CNOT7: variants seen among roughly 807,000 people sequenced by gnomAD.
CNOT7 encodes the protein BTG1-binding factor 1.
CNOT7 carries 4 observed loss-of-function variants against 37.1 expected under a neutral mutation model. The ratio of observed to expected loss-of-function variants is 0.11; its 90% CI spans 0.05 to 0.25. CNOT7 has a LOEUF of 0.25. Among genes scored for constraint, CNOT7 ranks in the 10% least tolerant of loss-of-function variants. CNOT7 has a pLI of 1.00. For missense variants in CNOT7, 170 were observed against 336.2 expected (o/e 0.51, Z 3.87); for synonymous variants, 128 against 115.6 (o/e 1.11, Z -0.69).
chr8:17,236,971 T>G (rs1269818836), intron 4 of CNOT7, among the ~76,000 whole-genome samples: 1 of 152,206 alleles, frequency 6.6e-6, no homozygotes, highest in Non-Finnish European at 1.5e-5. Context: ...TCTTTCACTT[T>G]TTAGAGAACC....
Position 17,232,547 on chromosome 8 carries a change from AT to A in CNOT7, c.619-11del. 1 of 1,604,008 alleles carries A rather than the reference AT, an allele frequency of 6.2e-7. No individual in the cohort carries two copies. The highest frequency in any genetic ancestry group is 8.5e-7 in the Non-Finnish European group (1 of 1,177,582). ...CCTCCTGTAATCCACCCTAGAAAAA[AT>A]AAAAAATTGCTTGTCAAGAAGAAAA... is the stretch of plus-strand genomic sequence containing the variant. On this transcript the variant is annotated splice_polypyrimidine_tract_variant and intron_variant, in intron 5 of 6. Transcript: ENST00000361272.
Position 17,225,386 on chromosome 8 carries a change from G to T in CNOT7, c.*5334C>A, listed in dbSNP as rs545472062. ...CAAAAAATTCCTCCATACCAGGAAGGAGAGTATTGACCAGTTTATCTTTAA... is the reference window on the plus strand; with the variant it reads ...CAAAAAATTCCTCCATACCAGGAAGTAGAGTATTGACCAGTTTATCTTTAA... On this transcript the variant is annotated 3_prime_UTR_variant, in exon 7 of 7. Transcript: ENST00000361272. The T allele has an allele frequency of 2.6e-5, 4 of 151,752 alleles. No homozygotes were observed. Among genetic ancestry groups the T allele is most frequent in the African/African-American group, 7.2e-5 (3 of 41,408 alleles). 9.4% of individuals were successfully genotyped at this position (151,752 alleles called of 1,614,324 possible). A position where few individuals can be genotyped will look rare whatever the true frequency, so the allele number is the denominator to read the frequency against.
At chr8:17,231,895 A>AC (rs1808674942) in intron 6 of CNOT7, 24 of 985,610 alleles carry the variant, frequency 2.4e-5, no homozygotes, top group Non-Finnish European at 2.9e-5. Flanking sequence ...TCGGAATTCA[A>AC]CCCCCCTTTT....
At chr8:17,237,162 G>A (rs1563198189) in intron 4 of CNOT7, 50 bp downstream of exon 4, 3 of 1,570,944 alleles carry the variant, frequency 1.9e-6, no homozygotes, top group Admixed American at 3.4e-5. Flanking sequence ...TAAGTGTGGA[G>A]CAAGTATGAG....
chr8:17,236,983 G>A (rs923414873), intron 4 of CNOT7, among the ~76,000 whole-genome samples: 1 of 152,206 alleles, frequency 6.6e-6, no homozygotes, highest in Admixed American at 6.5e-5. Context: ...TAGAGAACCT[G>A]TACTGTTTCC....
At chr8:17,233,118 AG>A (rs1490813102) in intron 5 of CNOT7, among the ~76,000 whole-genome samples, 1 of 152,240 alleles carries the variant, frequency 6.6e-6, no homozygotes, top group African/African-American at 2.4e-5. Context: ...TAAAAAAGAA[AG>A]ATGAGAGTGG....
At chr8:17,232,350 C>A in intron 6 of CNOT7, 77 bp downstream of exon 6, 1 of 1,608,818 alleles carries the variant, frequency 6.2e-7, no homozygotes, top group Non-Finnish European at 8.5e-7. Flanking sequence ...ACTTGTTGCC[C>A]AAAATCTTTG....
At chr8:17,239,744 C>T (rs780293941) in intron 3 of CNOT7, among the ~76,000 whole-genome samples, 1 of 151,880 alleles carries the variant, frequency 6.6e-6, no homozygotes, top group African/African-American at 2.4e-5. Flanking sequence ...CCGCCCGCCT[C>T]GGCCTCCCAA....
chr8:17,239,739 C>A (rs907065548), intron 3 of CNOT7, among the ~76,000 whole-genome samples: 1 of 152,144 alleles, frequency 6.6e-6, no homozygotes, highest in Admixed American at 6.5e-5. Flanking sequence ...GTGATCCGCC[C>A]GCCTCGGCCT....
intron 2 of CNOT7, chr8:17,244,786 T>C: frequency 2.5e-6 from 1 of 393,962 alleles, no homozygotes; most frequent in Non-Finnish European, 4.6e-6. Context: ...CCTTCCTAAC[T>C]CTTATTCAAA....
At chr8:17,233,160 G>T (rs1262662997) in intron 5 of CNOT7, among the ~76,000 whole-genome samples, 1 of 152,036 alleles carries the variant, frequency 6.6e-6, no homozygotes, top group African/African-American at 2.4e-5. Flanking sequence ...GAGAAAGACA[G>T]TAACAGAAGG....
At position 17,227,345 on chromosome 8, in the gene CNOT7, G is replaced by A. The variant is rs1310157027; in HGVS notation, c.*3375C>T. On this transcript the variant is annotated 3_prime_UTR_variant, in exon 7 of 7. Transcript: ENST00000361272. The stretch of plus-strand genomic sequence containing the variant: ...CTTCGATCACTTCAAATCCAGCAAT[G>A]GTTTCTCAAAAAATAAAGCTAGGCA... 1 of 151,732 alleles carries A rather than the reference G, an allele frequency of 6.6e-6. No individual in the cohort carries two copies. Among genetic ancestry groups the A allele is most frequent in the Non-Finnish European group, 1.5e-5 (1 of 67,742 alleles). The allele number at this position is 151,732 out of a possible 1,614,324, so 9.4% of individuals were successfully genotyped here.
intron 4 of CNOT7, among the ~76,000 whole-genome samples, chr8:17,235,982 G>C (rs1474554158): frequency 6.6e-6 from 1 of 152,060 alleles, no homozygotes; most frequent in Admixed American, 6.6e-5. Flanking sequence ...ACAGTAAAAG[G>C]GAAGGGCAAT....
rs755512325 is a variant in CNOT7 at position 17,227,311 on chromosome 8, A to G, written c.*3409T>C. The G allele has an allele frequency of 1.3e-5, 2 of 151,906 alleles. No individual in the cohort carries two copies. Among genetic ancestry groups the G allele is most frequent in the Non-Finnish European group, 2.9e-5 (2 of 67,826 alleles). 9.4% of individuals were successfully genotyped at this position (151,906 alleles called of 1,614,324 possible). On this transcript the variant is annotated 3_prime_UTR_variant, in exon 7 of 7. Transcript: ENST00000361272. ...TGAAAATATTCCCACTTGTAGTTCC[A>G]TACAAATTCTTCGATCACTTCAAAT...
At position 17,226,888 on chromosome 8, in the gene CNOT7, T is replaced by TC. The variant is rs1808193020; in HGVS notation, c.*3831dup. On this transcript the variant is annotated 3_prime_UTR_variant, in exon 7 of 7. Coordinates refer to ENST00000361272, the MANE Select transcript of CNOT7 (RefSeq NM_013354.7). ...AAAAACAGTGGTTGAGGATGGTTTT[T>TC]CTCATTCAGAAAAATTTCAATGTCA... The TC allele has an allele frequency of 6.6e-6, 1 of 151,680 alleles. No individual in the cohort carries two copies. The highest frequency in any genetic ancestry group is 6.6e-5 in the Admixed American group (1 of 15,204). 9.4% of individuals were successfully genotyped at this position (151,680 alleles called of 1,614,324 possible).
intron 3 of CNOT7, among the ~76,000 whole-genome samples, chr8:17,240,352 A>AT (rs111442538): frequency 0.22 from 32,401 of 146,568 alleles, 4,477 homozygotes; most frequent in East Asian, 0.39. Context: ...ACATTTTGAG[A>AT]TTTTTTTTTT....
At chr8:17,235,134 T>C (rs913636225) in intron 4 of CNOT7, among the ~76,000 whole-genome samples, 1 of 152,156 alleles carries the variant, frequency 6.6e-6, no homozygotes, top group African/African-American at 2.4e-5. Flanking sequence ...TAAAATACTA[T>C]TTTGTTGATA....
At chr8:17,241,191 C>G (rs971688882) in intron 3 of CNOT7, 5 of 152,152 alleles carry the variant, frequency 3.3e-5, no homozygotes, top group African/African-American at 1.2e-4. Flanking sequence ...TTCAGCCTCC[C>G]TGTACCTGTA....
At chr8:17,233,141 A>C (rs1808853056) in intron 5 of CNOT7, among the ~76,000 whole-genome samples, 1 of 152,100 alleles carries the variant, frequency 6.6e-6, no homozygotes, top group African/African-American at 2.4e-5. Context: ...AAGAGTGGAA[A>C]GAAAGAAAGA....
Sources: allele counts gnomAD v4.1 joint callset (sites outside exome capture counted in the v4.1 genomes callset), GRCh38; gene constraint gnomAD v4.1.1; transcripts MANE v1.5; gene names NCBI Gene and HGNC (gene_info 2026-07-23, HGNC 2026-07-21).